The following SLC44A5 variants were observed in gnomAD, a reference collection of about 807,000 sequenced individuals.
SLC44A5 encodes solute carrier family 44 member 5.
A neutral mutation model predicts 101.8 loss-of-function variants in SLC44A5; 57 were observed. The observed-to-expected ratio is 0.56, with a 90% CI of 0.45 to 0.70. SLC44A5 has a LOEUF of 0.70. Among genes scored for constraint, SLC44A5 ranks in the 30% least tolerant of loss-of-function variants. SLC44A5 has a pLI of 0.00. For synonymous variants in SLC44A5, 281 were observed against 290.9 expected (o/e 0.97, Z 0.35); for missense variants, 737 against 853.1 (o/e 0.86, Z 1.70).
chr1:75,288,448 T>C (rs766416560), intron 5 of SLC44A5, among the ~76,000 whole-genome samples: 2 of 152,194 alleles, frequency 1.3e-5, no homozygotes, highest in Non-Finnish European at 2.9e-5. Context: ...GAATTGTCAA[T>C]TGTCACATTT....
chr1:75,457,844 G>C (rs1156793168), intron 2 of SLC44A5, among the ~76,000 whole-genome samples: 1 of 150,972 alleles, frequency 6.6e-6, no homozygotes, highest in Non-Finnish European at 1.5e-5. Flanking sequence ...GCAACAGAGT[G>C]AGACTCCATC....
chr1:75,653,922 C>A, the SLC44A5 span, among the ~76,000 whole-genome samples: 1 of 152,152 alleles, frequency 6.6e-6, no homozygotes, highest in African/African-American at 2.4e-5. Flanking sequence ...TTTTACCTGA[C>A]AGCTTCAGCT....
At chr1:75,219,667 G>A (rs2100498819) in intron 15 of SLC44A5, 133 bp downstream of exon 15, 1 of 635,838 alleles carries the variant, frequency 1.6e-6, no homozygotes, top group South Asian at 2.1e-5. Context: ...CGTTTTTAGA[G>A]CTTGGGAAAA....
At chr1:75,593,178 G>T (rs978079942) in intron 1 of SLC44A5, among the ~76,000 whole-genome samples, 2 of 152,042 alleles carry the variant, frequency 1.3e-5, no homozygotes, top group African/African-American at 2.4e-5. Flanking sequence ...ATGGTCAAAA[G>T]ATTTGAATTG....
chr1:75,676,674 C>T, the SLC44A5 span, among the ~76,000 whole-genome samples: 7 of 152,266 alleles, frequency 4.6e-5, no homozygotes, highest in Non-Finnish European at 7.4e-5. Flanking sequence ...CCTGCACATC[C>T]TGCACATATA....
chr1:75,433,637 A>G (rs1256760701), intron 2 of SLC44A5, among the ~76,000 whole-genome samples: 1 of 151,950 alleles, frequency 6.6e-6, no homozygotes, highest in African/African-American at 2.4e-5. Context: ...TTCTTTCTTC[A>G]TCTCTTAGAT....
At chr1:75,235,171 AAATATTC>A (rs1647963231) in intron 11 of SLC44A5, among the ~76,000 whole-genome samples, 1 of 152,076 alleles carries the variant, frequency 6.6e-6, no homozygotes, top group South Asian at 2.1e-4. Flanking sequence ...TTTAATGCTT[AAATATTC>A]AATATGATTG....
chr1:75,288,069 G>A (rs923484185), intron 5 of SLC44A5, among the ~76,000 whole-genome samples: 30 of 152,036 alleles, frequency 2.0e-4, no homozygotes, highest in Non-Finnish European at 8.8e-5. Context: ...GTCTTCAAAG[G>A]TTTTCGGCTG....
At chr1:75,383,859 C>T (rs932185089) in intron 3 of SLC44A5, among the ~76,000 whole-genome samples, 5 of 152,156 alleles carry the variant, frequency 3.3e-5, no homozygotes, top group African/African-American at 4.8e-5. Context: ...GCAGATCTCT[C>T]AGCAGAAACC....
At chr1:75,581,456 T>A (rs972432713) in intron 1 of SLC44A5, among the ~76,000 whole-genome samples, 2 of 152,206 alleles carry the variant, frequency 1.3e-5, no homozygotes, top group African/African-American at 2.4e-5. Flanking sequence ...ATAGTTAATG[T>A]CACTATTAGG....
At chr1:75,484,999 C>T (rs115945139) in intron 2 of SLC44A5, among the ~76,000 whole-genome samples, 11 of 152,378 alleles carry the variant, frequency 7.2e-5, no homozygotes, top group East Asian at 3.9e-4. Context: ...CCACTTTTTC[C>T]TCCCAGGCCT....
the SLC44A5 span, among the ~76,000 whole-genome samples, chr1:75,680,796 C>A: frequency 6.7e-6 from 1 of 149,512 alleles, no homozygotes. Context: ...ACACAAAAAA[C>A]CCTTCAAAAA....
chr1:75,720,250 T>C, the SLC44A5 span: 1 of 152,172 alleles, frequency 6.6e-6, no homozygotes, highest in Admixed American at 6.5e-5. Flanking sequence ...AAGTCTCCAT[T>C]AAATGTTTCT....
chr1:75,678,841 G>C, the SLC44A5 span, among the ~76,000 whole-genome samples: 15 of 152,106 alleles, frequency 9.9e-5, no homozygotes, highest in South Asian at 2.7e-3. Flanking sequence ...TCAAACCAAA[G>C]GTAAAGAAGT....
intron 3 of SLC44A5, among the ~76,000 whole-genome samples, chr1:75,390,066 A>G (rs1338286128): frequency 1.3e-5 from 2 of 152,132 alleles, no homozygotes; most frequent in Non-Finnish European, 2.9e-5. Flanking sequence ...TAAAAAATCT[A>G]GAGGAAATGG....
At chr1:75,424,425 C>T (rs573762888) in intron 2 of SLC44A5, among the ~76,000 whole-genome samples, 66 of 152,280 alleles carry the variant, frequency 4.3e-4, no homozygotes, top group African/African-American at 1.6e-3. Context: ...CCAGCCTCAG[C>T]TTCCCAAGTA....
chr1:75,263,590 G>T (rs1242539128), intron 6 of SLC44A5, among the ~76,000 whole-genome samples: 1 of 152,128 alleles, frequency 6.6e-6, no homozygotes, highest in African/African-American at 2.4e-5. Flanking sequence ...CAAGGATCTA[G>T]AACTAGAAAT....
the SLC44A5 span, among the ~76,000 whole-genome samples, chr1:75,702,802 C>A: frequency 6.6e-6 from 1 of 151,988 alleles, no homozygotes; most frequent in Non-Finnish European, 1.5e-5. Flanking sequence ...TGAACTCCAA[C>A]AAATTTACGA....
intron 2 of SLC44A5, among the ~76,000 whole-genome samples, chr1:75,534,149 A>G (rs1278529836): frequency 6.6e-6 from 1 of 152,232 alleles, no homozygotes; most frequent in Non-Finnish European, 1.5e-5. Flanking sequence ...CCTATTTGCC[A>G]TGCTATCTTA....
Sources: allele counts gnomAD v4.1 joint callset (sites outside exome capture counted in the v4.1 genomes callset), GRCh38; gene constraint gnomAD v4.1.1; transcripts MANE v1.5; gene names NCBI Gene and HGNC (gene_info 2026-07-23, HGNC 2026-07-21).